Variants in CRYL1 observed in about 807,000 individuals in gnomAD.
CRYL1 encodes the protein lambda-crystallin homolog.
A neutral mutation model predicts 36.6 loss-of-function variants in CRYL1; 29 were observed. That is an observed-to-expected ratio of 0.79 (90% CI 0.59 to 1.08). The LOEUF is 1.08. CRYL1 is among the 50% of genes least tolerant of loss of function. The pLI is 0.00. For synonymous variants in CRYL1, 152 were observed against 151.5 expected (o/e 1.00, Z -0.02); for missense variants, 411 against 407.9 (o/e 1.01, Z -0.06).
In CRYL1 at chr13:20,481,972, TC is replaced by T. The variant is rs1233099904; in HGVS notation, c.276+7397del. Among the ~76,000 whole-genome samples the T allele has an allele frequency of 6.6e-6, 1 of 151,966 alleles. No homozygotes were observed. Among genetic ancestry groups the T allele is most frequent in the African/African-American group, 2.4e-5 (1 of 41,332 alleles). ...GTGTAACTCCAGTTTCCTCGCACAT[TC>T]CCGAATATTCTCAGGGCTGGCCATC... On this transcript the variant is annotated intron_variant, in intron 3 of 7. Coordinates refer to ENST00000298248, the MANE Select transcript of CRYL1 (RefSeq NM_015974.3). The surrounding 1 kb of genome is among the most constrained non-coding windows in gnomAD (Gnocchi z 4.1).
In CRYL1 at chr13:20,425,012, C is replaced by T. The variant is rs1400972128; in HGVS notation, c.633+7090G>A. ...CAACTTCCCTACACACTGGGCCCAT[C>T]GCTCTATGTGACTTCGTGCCAAGAC... is the stretch of plus-strand genomic sequence containing the variant. On this transcript the variant is annotated intron_variant, in intron 5 of 7. Transcript: ENST00000298248. The surrounding 1 kb of genome is among the most constrained non-coding windows in gnomAD (Gnocchi z 4.4). Among the ~76,000 whole-genome samples the T allele has an allele frequency of 1.3e-5, 2 of 152,206 alleles. No homozygotes were observed. Among genetic ancestry groups the T allele is most frequent in the African/African-American group, 2.4e-5 (1 of 41,456 alleles).
At chr13:20,522,502 G>A (rs1176872439) in intron 1 of CRYL1, among the ~76,000 whole-genome samples, 2 of 152,192 alleles carry the variant, frequency 1.3e-5, no homozygotes, top group African/African-American at 2.4e-5. Context: ...GCCCTTCATA[G>A]GGCACATCAG....
rs372885680 is a variant in CRYL1 at position 20,512,482 on chromosome 13, A to G, written c.110T>C (p.Ile37Thr). Reference sequence around the variant, plus strand: ...GGCGTTCCTTATCTGCTGTTGCTCAATGTCATAGAGTTTCACCTGGAAGCC... The same window carrying G: ...GGCGTTCCTTATCTGCTGTTGCTCAGTGTCATAGAGTTTCACCTGGAAGCC... The part of the protein sequence containing the change: ...SGGFQVKLYD[I>T]EQQQIRNALE... The change falls in exon 2 of 8, where the codon ATT becomes ACT. Residue 37 changes from isoleucine (I) to threonine (T), a missense_variant. Coordinates refer to ENST00000298248, the MANE Select transcript of CRYL1 (RefSeq NM_015974.3). The G allele has an allele frequency of 1.5e-4, 241 of 1,614,054 alleles. No individual in the cohort carries two copies. The highest frequency in any genetic ancestry group is 1.9e-4 in the Non-Finnish European group (228 of 1,179,998).
intron 5 of CRYL1, chr13:20,430,800 G>C: frequency 7.1e-6 from 7 of 985,346 alleles, no homozygotes; most frequent in Non-Finnish European, 8.4e-6. Flanking sequence ...AGTGAACATG[G>C]GCAAGGAGTC....
chr13:20,474,842 G>A (rs914082599), intron 3 of CRYL1, among the ~76,000 whole-genome samples: 2 of 152,090 alleles, frequency 1.3e-5, no homozygotes, highest in African/African-American at 4.8e-5. Context: ...TTCAGTAAAG[G>A]GAAGGAGACC....
chr13:20,503,016 G>A lies in CRYL1; in HGVS notation c.149+9427C>T, dbSNP rs115873531. 5.6e-3 allele frequency among the ~76,000 whole-genome samples: 847 copies of A among 152,142 alleles called. 8 individuals are homozygous for A. The highest frequency in any genetic ancestry group is 0.02 in the African/African-American group (817 of 41,450). ...AAGCACGCAGGATCATACCGGAAGC[G>A]CACGGCCTCAGAATATGCAGCAAGA... On this transcript the variant is annotated intron_variant, in intron 2 of 7. Transcript: ENST00000298248.
At chr13:20,419,407 C>T (rs1010856476) in intron 5 of CRYL1, among the ~76,000 whole-genome samples, 4 of 152,192 alleles carry the variant, frequency 2.6e-5, no homozygotes, top group Non-Finnish European at 5.9e-5. Flanking sequence ...GATTCTCCTG[C>T]TTCGGCCTCC....
At chr13:20,506,531 TA>T (rs146165534) in intron 2 of CRYL1, among the ~76,000 whole-genome samples, 4 of 146,982 alleles carry the variant, frequency 2.7e-5, no homozygotes, top group South Asian at 4.3e-4. Context: ...TTAACCTGGT[TA>T]AAAAAAAAAC....
chr13:20,416,594 C>T (rs1405701851), intron 5 of CRYL1, among the ~76,000 whole-genome samples: 3 of 152,204 alleles, frequency 2.0e-5, no homozygotes, highest in South Asian at 2.1e-4. Flanking sequence ...TTCCAAACAG[C>T]CCCAAGTTTT....
intron 3 of CRYL1, among the ~76,000 whole-genome samples, chr13:20,477,512 G>C (rs561308252): frequency 1.1e-3 from 162 of 150,784 alleles, no homozygotes; most frequent in African/African-American, 3.6e-3. Context: ...CACTTTACAT[G>C]GGCGTCCTGA....
rs559668275 is a variant in CRYL1 at position 20,416,621 on chromosome 13, C to T, written c.634-3234G>A. On this transcript the variant is annotated intron_variant, in intron 5 of 7. Coordinates refer to ENST00000298248, the MANE Select transcript of CRYL1 (RefSeq NM_015974.3). Reference sequence around the variant, plus strand: ...CCAAGTTTTCATTTTAGTATTCAAACTGGGAAGTATGCAAACATGGAAGCC... The same window carrying T: ...CCAAGTTTTCATTTTAGTATTCAAATTGGGAAGTATGCAAACATGGAAGCC... 8.2e-4 allele frequency among the ~76,000 whole-genome samples: 125 copies of T among 152,338 alleles called. 1 individual carries two copies. The highest frequency in any genetic ancestry group is 2.9e-3 in the African/African-American group (122 of 41,582).
Position 20,431,839 on chromosome 13 carries a change from G to A in CRYL1, c.633+263C>T. 3 of 1,409,282 alleles carry A rather than the reference G, an allele frequency of 2.1e-6. No individual in the cohort carries two copies. In the South Asian group the frequency reaches 4.3e-5, roughly 20 times the overall value. 87.3% of individuals were successfully genotyped at this position (1,409,282 alleles called of 1,614,324 possible). The stretch of plus-strand genomic sequence containing the variant: ...GTCTAATGCTATGAAAGGGCAGGAA[G>A]GAGAGAAGCCTGTCATCGTGTCCTG... On this transcript the variant is annotated intron_variant, in intron 5 of 7. Coordinates refer to ENST00000298248, the MANE Select transcript of CRYL1 (RefSeq NM_015974.3).
chr13:20,516,908 CA>C (rs1400249086), intron 1 of CRYL1, among the ~76,000 whole-genome samples: 2 of 151,388 alleles, frequency 1.3e-5, no homozygotes, highest in Non-Finnish European at 2.9e-5. Context: ...TGCATCTCTA[CA>C]AAAAAAAATT....
intron 5 of CRYL1, among the ~76,000 whole-genome samples, chr13:20,429,079 A>G (rs967338607): frequency 6.6e-6 from 1 of 152,166 alleles, no homozygotes; most frequent in African/African-American, 2.4e-5. Context: ...TGCTCATTCC[A>G]TTCACTACAG....
intron 4 of CRYL1, among the ~76,000 whole-genome samples, chr13:20,437,488 T>C (rs1221196251): frequency 7.2e-5 from 11 of 152,118 alleles, no homozygotes; most frequent in Non-Finnish European, 1.3e-4. Flanking sequence ...TTTGTATTTT[T>C]AGTAGAGACG....
intron 3 of CRYL1, among the ~76,000 whole-genome samples, chr13:20,487,765 C>A (rs1416414660): frequency 6.7e-6 from 1 of 149,246 alleles, no homozygotes; most frequent in Non-Finnish European, 1.5e-5. Flanking sequence ...GGTGACAGAG[C>A]GAGACTCTAT....
chr13:20,415,936 T>G lies in CRYL1; in HGVS notation c.634-2549A>C, dbSNP rs1267982562. ...CATCTCCTTGATGCAGAGATATGAGTTTAGTCATCCACCCTGCGGCCATGA... is the reference window on the plus strand; with the variant it reads ...CATCTCCTTGATGCAGAGATATGAGGTTAGTCATCCACCCTGCGGCCATGA... On this transcript the variant is annotated intron_variant, in intron 5 of 7. Transcript: ENST00000298248. The surrounding 1 kb of genome is among the most constrained non-coding windows in gnomAD (Gnocchi z 4.1). 6.6e-6 allele frequency among the ~76,000 whole-genome samples: 1 copy of G among 152,140 alleles called. No individual in the cohort carries two copies. Among genetic ancestry groups the G allele is most frequent in the Non-Finnish European group, 1.5e-5 (1 of 68,028 alleles).
chr13:20,514,231 G>A (rs2033963722), intron 1 of CRYL1, among the ~76,000 whole-genome samples: 1 of 152,204 alleles, frequency 6.6e-6, no homozygotes. Flanking sequence ...CCACGCAGTG[G>A]AGAAACCTGA....
chr13:20,513,514 G>A (rs1161479725), intron 1 of CRYL1: 1 of 152,140 alleles, frequency 6.6e-6, no homozygotes, highest in South Asian at 2.1e-4. Flanking sequence ...TTTATATGTA[G>A]GGAAACTGAG....
Sources: allele counts gnomAD v4.1 joint callset (sites outside exome capture counted in the v4.1 genomes callset), GRCh38; gene constraint gnomAD v4.1.1; non-coding constraint Gnocchi (gnomAD v3.1); transcripts MANE v1.5; gene names NCBI Gene and HGNC (gene_info 2026-07-23, HGNC 2026-07-21).